The following ADD2 variants were observed in gnomAD, a reference collection of about 807,000 sequenced individuals.
The protein encoded by ADD2 is adducin 2, also known as beta-adducin.
In ADD2, 23 loss-of-function variants were observed where a neutral mutation model predicts 83.0. That is an observed-to-expected ratio of 0.28 (90% CI 0.20 to 0.39). The LOEUF (loss-of-function observed/expected upper bound fraction) is 0.39. Among genes scored for constraint, ADD2 ranks in the 10% least tolerant of loss-of-function variants. The pLI is 1.00. For synonymous variants in ADD2, 375 were observed against 375.4 expected, an observed-to-expected ratio of 1.00 and a Z score of 0.01; for missense variants, 758 against 944.9, an observed-to-expected ratio of 0.80 and a Z score of 2.59.
intron 13 of ADD2, chr2:70,675,293 T>TTATA: frequency 1.0e-6 from 1 of 993,722 alleles, no homozygotes; most frequent in Non-Finnish European, 1.2e-6. Flanking sequence ...CAGCATTAAG[T>TTATA]TATATGCACA....
chr2:70,758,997 A>C (rs1674942511), intron 1 of ADD2, among the ~76,000 whole-genome samples: 1 of 152,130 alleles, frequency 6.6e-6, no homozygotes, highest in South Asian at 2.1e-4. Flanking sequence ...GGACTCATGG[A>C]AACTACTAGA....
intron 1 of ADD2, among the ~76,000 whole-genome samples, chr2:70,731,172 C>G (rs1558565879): frequency 6.6e-6 from 1 of 152,016 alleles, no homozygotes; most frequent in Non-Finnish European, 1.5e-5. Flanking sequence ...AATGGGGAGC[C>G]CTGGACACCT....
At chr2:70,675,028 G>T in intron 13 of ADD2, 1 of 1,344,832 alleles carries the variant, frequency 7.4e-7, no homozygotes, top group Non-Finnish European at 9.5e-7. Flanking sequence ...TTTTGCAACT[G>T]GCTGGATGAA....
chr2:70,706,577 T>A lies in ADD2; in HGVS notation c.-34-135A>T. 1.2e-6 allele frequency: 1 copy of A among 809,730 alleles called. No individual in the cohort carries two copies. The highest frequency in any genetic ancestry group is 1.8e-6 in the Non-Finnish European group (1 of 541,682). The allele number at this position is 809,730 out of a possible 1,614,324, so 50.2% of individuals were successfully genotyped here. ...TTCCTAGGATGGTAGAGGCAGAGCC[T>A]GGGGAGGAGGGCAGGACGCCAGCAG... On this transcript the variant is annotated intron_variant, in intron 2 of 15. Transcript: ENST00000264436. This position sits in a 1 kb window ranked among gnomAD's most constrained non-coding sequence, Gnocchi z 5.0.
chr2:70,762,885 T>C (rs1360633343), intron 1 of ADD2, among the ~76,000 whole-genome samples: 4 of 151,320 alleles, frequency 2.6e-5, no homozygotes, highest in African/African-American at 9.8e-5. Flanking sequence ...TTTGTATTTT[T>C]AGTAGAGACG....
intron 1 of ADD2, among the ~76,000 whole-genome samples, chr2:70,715,601 C>A (rs1024083289): frequency 1.3e-5 from 2 of 152,124 alleles, no homozygotes; most frequent in Non-Finnish European, 2.9e-5. Flanking sequence ...GGAGTTAGGG[C>A]AGTACATTCT....
intron 15 of ADD2, among the ~76,000 whole-genome samples, chr2:70,664,658 GCTT>G (rs1271829268): frequency 2.6e-5 from 4 of 152,224 alleles, no homozygotes; most frequent in African/African-American, 4.8e-5. Context: ...TTCCGGTTCA[GCTT>G]CTTCTCACGA....
rs1298384153 is a variant in ADD2, at chr2:70,663,748, C to A, written c.1871-13G>T. Reference sequence around the variant, plus strand: ...TTCTTAGTACCTTCTAGAAAAAGATCAAAAGATATGACCTGTAAGATTTCA... The same window carrying A: ...TTCTTAGTACCTTCTAGAAAAAGATAAAAAGATATGACCTGTAAGATTTCA... On this transcript the variant is annotated splice_polypyrimidine_tract_variant and intron_variant, in intron 15 of 15. Coordinates refer to ENST00000264436, the MANE Select transcript of ADD2 (RefSeq NM_001617.4). 3 of 1,608,950 alleles carry A rather than the reference C, an allele frequency of 1.9e-6. No homozygotes were observed. Among genetic ancestry groups the A allele is most frequent in the East Asian group, 2.2e-5 (1 of 44,842 alleles).
intron 8 of ADD2, 64 bp from the exon 9 acceptor site, chr2:70,688,186 GT>G (rs1670840756): frequency 3.6e-6 from 5 of 1,380,420 alleles, no homozygotes; most frequent in Non-Finnish European, 5.1e-6. Flanking sequence ...AGAGGGAGAG[GT>G]TTTCCATTTT....
intron 1 of ADD2, among the ~76,000 whole-genome samples, chr2:70,724,543 A>G (rs953473096): frequency 6.6e-6 from 1 of 152,026 alleles, no homozygotes; most frequent in Non-Finnish European, 1.5e-5. Context: ...GCCAGGTTGC[A>G]TGGCTCCCTG....
intron 3 of ADD2, among the ~76,000 whole-genome samples, chr2:70,704,836 A>G (rs535104920): frequency 6.6e-6 from 1 of 152,314 alleles, no homozygotes; most frequent in African/African-American, 2.4e-5. Context: ...CCTCTCCATT[A>G]GCGATGCCTG....
intron 1 of ADD2, among the ~76,000 whole-genome samples, chr2:70,739,486 G>A (rs1459957074): frequency 6.6e-6 from 1 of 152,208 alleles, no homozygotes; most frequent in African/African-American, 2.4e-5. Context: ...ATTCCTCAAA[G>A]AGCTAAAAGC....
chr2:70,737,763 T>C (rs577624342), intron 1 of ADD2, among the ~76,000 whole-genome samples: 1 of 152,312 alleles, frequency 6.6e-6, no homozygotes, highest in Non-Finnish European at 1.5e-5. Flanking sequence ...TGATACTGTT[T>C]TGAAACATTC....
Position 70,663,332 on chromosome 2 carries a change from T to A in ADD2, c.*93A>T, listed in dbSNP as rs1321858958. 1.0e-5 allele frequency: 14 copies of A among 1,388,900 alleles called. No homozygotes were observed. The highest frequency in any genetic ancestry group is 8.9e-6 in the Non-Finnish European group (9 of 1,012,646). 86.0% of individuals were successfully genotyped at this position (1,388,900 alleles called of 1,614,324 possible). ...GAATGTGGTCCAGGGTCCTACTCTA[T>A]CCCTCCTTAGCCCTGTGCTTGCAGG... On this transcript the variant is annotated 3_prime_UTR_variant, in exon 16 of 16. Transcript: ENST00000264436.
At chr2:70,684,069 C>T (rs1454322941) in intron 9 of ADD2, among the ~76,000 whole-genome samples, 1 of 152,126 alleles carries the variant, frequency 6.6e-6, no homozygotes, top group African/African-American at 2.4e-5. Flanking sequence ...GTGATTGTAT[C>T]TGGGGAGGGA....
chr2:70,720,487 C>T (rs782463432), intron 1 of ADD2, among the ~76,000 whole-genome samples: 7 of 152,170 alleles, frequency 4.6e-5, no homozygotes, highest in South Asian at 2.1e-4. Flanking sequence ...CTCCTCTCCC[C>T]GATGATTCTG....
chr2:70,714,837 A>T (rs545084644), intron 1 of ADD2, among the ~76,000 whole-genome samples: 1 of 152,214 alleles, frequency 6.6e-6, no homozygotes, highest in African/African-American at 2.4e-5. Context: ...ACAACCTGCT[A>T]AGATTTGAAT....
chr2:70,703,335 A>C (rs1553373788), intron 4 of ADD2, among the ~76,000 whole-genome samples: 2 of 152,160 alleles, frequency 1.3e-5, no homozygotes, highest in Non-Finnish European at 2.9e-5. Flanking sequence ...TTAAAACACA[A>C]ATAAAGTATT....
At chr2:70,685,857 C>G (rs557827359) in intron 9 of ADD2, among the ~76,000 whole-genome samples, 1 of 152,310 alleles carries the variant, frequency 6.6e-6, no homozygotes, top group South Asian at 2.1e-4. Context: ...TGATGGGTAG[C>G]AGATGGAGAA....
Sources: allele counts gnomAD v4.1 joint callset (sites outside exome capture counted in the v4.1 genomes callset), GRCh38; gene constraint gnomAD v4.1.1; non-coding constraint Gnocchi (gnomAD v3.1); transcripts MANE v1.5; gene names NCBI Gene and HGNC (gene_info 2026-07-23, HGNC 2026-07-21).